PDE10A: variants seen among roughly 807,000 people sequenced by gnomAD.
PDE10A encodes the protein cAMP and cAMP-inhibited cGMP 3',5'-cyclic phosphodiesterase 10A.
Under a neutral mutation model 97.7 loss-of-function variants are expected in PDE10A, and 39 were observed. The ratio of observed to expected loss-of-function variants is 0.40; its 90% CI spans 0.31 to 0.52. The LOEUF is 0.52. PDE10A is among the 20% of genes least tolerant of loss of function. The probability of loss-of-function intolerance (pLI) is 0.56; values close to 1 mark genes in which losing one functional copy is unlikely to be tolerated. For synonymous variants in PDE10A, 371 were observed against 376.8 expected (o/e 0.98, Z 0.18); for missense variants, 731 against 1,047.8 (o/e 0.70, Z 4.17).
chr6:165,471,392 A>G (rs1778997496), intron 3 of PDE10A, among the ~76,000 whole-genome samples: 1 of 152,160 alleles, frequency 6.6e-6, no homozygotes, highest in African/African-American at 2.4e-5. Context: ...TGGTTCTTAA[A>G]TCATCATATT....
chr6:165,948,903 G>A (rs1783865397), intron 1 of PDE10A: 1 of 152,272 alleles, frequency 6.6e-6, no homozygotes. Context: ...GTGAGGTCAG[G>A]TACATGCAAC....
intron 1 of PDE10A, among the ~76,000 whole-genome samples, chr6:165,567,012 C>T (rs1226620190): frequency 2.0e-5 from 3 of 152,260 alleles, no homozygotes; most frequent in East Asian, 1.9e-4. Context: ...TTCAAGAAAG[C>T]ACTATTTATG....
intron 1 of PDE10A, among the ~76,000 whole-genome samples, chr6:165,924,354 C>T (rs79605193): frequency 1.5e-4 from 23 of 151,978 alleles, no homozygotes; most frequent in African/African-American, 5.3e-4. Context: ...TCTGTGTGTA[C>T]AGTTCATGGT....
At chr6:165,705,894 A>G (rs1349494953) in intron 1 of PDE10A, among the ~76,000 whole-genome samples, 1 of 152,238 alleles carries the variant, frequency 6.6e-6, no homozygotes, top group Non-Finnish European at 1.5e-5. Context: ...GCAGAAGTGT[A>G]AGAGAAGGAA....
At chr6:165,631,683 T>C (rs778780442) in intron 1 of PDE10A, among the ~76,000 whole-genome samples, 8 of 152,198 alleles carry the variant, frequency 5.3e-5, no homozygotes, top group Non-Finnish European at 4.4e-5. Flanking sequence ...ATTATACGAA[T>C]AAATCAGAAC....
At chr6:165,871,364 T>G (rs1447217850) in intron 1 of PDE10A, among the ~76,000 whole-genome samples, 1 of 152,178 alleles carries the variant, frequency 6.6e-6, no homozygotes, top group Non-Finnish European at 1.5e-5. Flanking sequence ...CAAGAAAAGC[T>G]ACAGATGTTT....
intron 1 of PDE10A, among the ~76,000 whole-genome samples, chr6:165,683,311 G>A (rs1022315052): frequency 1.3e-5 from 2 of 152,130 alleles, no homozygotes; most frequent in South Asian, 2.1e-4. Flanking sequence ...AGAGACATGG[G>A]CTTCCAGGAA....
intron 1 of PDE10A, among the ~76,000 whole-genome samples, chr6:165,701,668 T>TGTGC (rs1791574753): frequency 1.0e-5 from 1 of 95,512 alleles, no homozygotes; most frequent in South Asian, 3.1e-4. Context: ...TGTGTGCATG[T>TGTGC]ATGTTTGTGT....
chr6:165,586,274 C>T (rs570609380), intron 1 of PDE10A, among the ~76,000 whole-genome samples: 1 of 152,216 alleles, frequency 6.6e-6, no homozygotes, highest in African/African-American at 2.4e-5. Context: ...TTCAGGTCAA[C>T]AATATAATGA....
rs1389876441 is a variant in PDE10A at position 165,926,491 on chromosome 6, T to A, written c.-615+61038A>T. Among the ~76,000 whole-genome samples the A allele has an allele frequency of 6.6e-5, 10 of 152,230 alleles. No homozygotes were observed. The East Asian group carries it at 1.5e-3, about 23-fold the overall frequency. The stretch of plus-strand genomic sequence containing the variant: ...AAAAGTCAAACAAAAGAACAAAATG[T>A]TCGATTGACCTTTAAAGACTTAGAG... On this transcript the variant is annotated intron_variant, in intron 1 of 19. Transcript: ENST00000366882.
chr6:165,735,454 ATAGG>A (rs1164320728), intron 1 of PDE10A, among the ~76,000 whole-genome samples: 2 of 151,954 alleles, frequency 1.3e-5, no homozygotes, highest in African/African-American at 4.8e-5. Context: ...AGGTAGGTAG[ATAGG>A]TAGGTGGGTA....
intron 1 of PDE10A, among the ~76,000 whole-genome samples, chr6:165,925,145 T>G (rs1278264949): frequency 6.6e-6 from 1 of 152,178 alleles, no homozygotes; most frequent in Non-Finnish European, 1.5e-5. Flanking sequence ...ATGAGAAGAA[T>G]TTTAACACCA....
chr6:165,448,792 C>A (rs1791055744), intron 5 of PDE10A, 136 bp downstream of exon 5: 5 of 572,454 alleles, frequency 8.7e-6, no homozygotes, highest in Non-Finnish European at 9.1e-6. Context: ...TGGTAATAAC[C>A]AAATATAGAA....
intron 1 of PDE10A, among the ~76,000 whole-genome samples, chr6:165,803,340 T>A (rs913675855): frequency 6.6e-6 from 1 of 152,224 alleles, no homozygotes; most frequent in Non-Finnish European, 1.5e-5. Context: ...GACCCTTAAA[T>A]GTATATTTCT....
At chr6:165,972,969 C>T (rs532973111) in intron 1 of PDE10A, among the ~76,000 whole-genome samples, 5 of 152,066 alleles carry the variant, frequency 3.3e-5, no homozygotes, top group Non-Finnish European at 7.3e-5. Flanking sequence ...CTCCTTCTCT[C>T]TTCTCCCCTT....
At chr6:165,895,118 T>C (rs1467687599) in intron 1 of PDE10A, among the ~76,000 whole-genome samples, 1 of 152,184 alleles carries the variant, frequency 6.6e-6, no homozygotes, top group African/African-American at 2.4e-5. Context: ...TGTCCTCTTG[T>C]TGAGGGTTGA....
At chr6:165,713,525 A>G (rs1178001261) in intron 1 of PDE10A, among the ~76,000 whole-genome samples, 1 of 152,240 alleles carries the variant, frequency 6.6e-6, no homozygotes, top group Non-Finnish European at 1.5e-5. Context: ...AGATGCTCAG[A>G]AGAGCTGGCC....
chr6:165,730,728 G>C (rs1211528862), intron 1 of PDE10A, among the ~76,000 whole-genome samples: 1 of 142,954 alleles, frequency 7.0e-6, no homozygotes, highest in Admixed American at 7.1e-5. Flanking sequence ...AATCCAGCCT[G>C]GGCGACAGAG....
intron 13 of PDE10A, among the ~76,000 whole-genome samples, chr6:165,412,975 T>C (rs184421173): frequency 1.8e-3 from 277 of 152,206 alleles, no homozygotes; most frequent in African/African-American, 6.4e-3. Flanking sequence ...AGAATGCACA[T>C]TGAACTTCAT....
Sources: gnomAD v4.1 joint callset for allele counts (sites outside exome capture counted in the v4.1 genomes callset) on GRCh38, gnomAD v4.1.1 for gene constraint, MANE v1.5 for transcripts, NCBI Gene and HGNC (gene_info 2026-07-23, HGNC 2026-07-21) for gene names.